KANK1: variants seen among roughly 807,000 people sequenced by gnomAD.
KANK1 encodes the protein KN motif and ankyrin repeat domain-containing protein 1.
KANK1 carries 109 observed loss-of-function variants against 106.2 expected under a neutral mutation model. The ratio of observed to expected loss-of-function variants is 1.03; its 90% CI spans 0.88 to 1.20. The LOEUF is 1.20. Among genes scored for constraint, KANK1 ranks in the 50% most tolerant of loss-of-function variants. KANK1 has a pLI of 0.00. For synonymous variants in KANK1, 873 were observed against 652.2 expected (o/e 1.34, Z -5.16); for missense variants, 2,399 against 1,710.7 (o/e 1.40, Z -7.10).
At chr9:556,604 A>G (rs1468288128) in intron 1 of KANK1, among the ~76,000 whole-genome samples, 6 of 152,188 alleles carry the variant, frequency 3.9e-5, no homozygotes, top group African/African-American at 1.4e-4. Flanking sequence ...CCAAAGTGAG[A>G]TTTTTAAAGC....
chr9:553,617 A>G (rs1409940057), intron 1 of KANK1, among the ~76,000 whole-genome samples: 4 of 152,244 alleles, frequency 2.6e-5, no homozygotes, highest in Admixed American at 6.5e-5. Flanking sequence ...AAATGTGAGC[A>G]ATGTAATGAA....
chr9:730,441 C>G (rs1377910197), intron 4 of KANK1, 193 bp downstream of exon 4: 1 of 618,756 alleles, frequency 1.6e-6, no homozygotes, highest in Non-Finnish European at 2.8e-6. Flanking sequence ...CCTGTGATCC[C>G]AGCACTTTGG....
intron 1 of KANK1, among the ~76,000 whole-genome samples, chr9:546,666 C>T (rs1001786167): frequency 4.6e-5 from 7 of 151,878 alleles, no homozygotes; most frequent in Admixed American, 6.6e-5. Context: ...CTCTCCCACC[C>T]CCACTCCCCC....
chr9:475,699 C>T lies in KANK1; in HGVS notation c.-362+2426C>T, dbSNP rs67815905. Among the ~76,000 whole-genome samples the T allele has an allele frequency of 4.7e-3, 713 of 152,218 alleles. 7 individuals are homozygous for T. Among genetic ancestry groups the T allele is most frequent in the African/African-American group, 0.016 (644 of 41,500 alleles). ...CAAAATATTTTATCCCATAACATGT[C>T]TCTTTGGCATATTTTGAAATGGCCC... On this transcript the variant is annotated intron_variant, in intron 3 of 15. Transcript: ENST00000382303.
intron 3 of KANK1, among the ~76,000 whole-genome samples, chr9:485,464 C>A (rs2058275323): frequency 6.6e-6 from 1 of 152,124 alleles, no homozygotes; most frequent in African/African-American, 2.4e-5. Context: ...TACAAGGAAA[C>A]TTTAGCAGAG....
At position 612,411 on chromosome 9, in the gene KANK1, C is replaced by G. The variant is rs77416169; in HGVS notation, c.-83-64479C>G. 5.2e-3 allele frequency among the ~76,000 whole-genome samples: 799 copies of G among 152,308 alleles called. 13 individuals are homozygous for G. Among genetic ancestry groups the G allele is most frequent in the African/African-American group, 0.018 (749 of 41,542 alleles). On this transcript the variant is annotated intron_variant, in intron 1 of 11. Transcript: ENST00000382297. ...GTTCAACAGTATGTAGGCCCGGTTT[C>G]TTAGACATGATGTCTGCTGAAATGG...
chr9:489,916 A>G lies in KANK1; in HGVS notation c.-362+16643A>G, dbSNP rs560572270. On this transcript the variant is annotated intron_variant, in intron 3 of 15. Coordinates refer to the KANK1 transcript ENST00000382303. ...TGACCTTGTATTAAACAATACCTCT[A>G]TGTCTGGGGGAACAAAACCGTACTA... Among the ~76,000 whole-genome samples the G allele has an allele frequency of 2.1e-3, 316 of 152,284 alleles. 3 individuals carry two copies. The highest frequency in any genetic ancestry group is 7.2e-3 in the African/African-American group (299 of 41,562).
intron 1 of KANK1, among the ~76,000 whole-genome samples, chr9:664,675 CT>C (rs1227460550): frequency 1.3e-5 from 2 of 152,122 alleles, no homozygotes; most frequent in African/African-American, 4.8e-5. Flanking sequence ...GGTTTTCTTT[CT>C]TTTAGAGAAA....
At chr9:513,620 C>G (rs1171708333) in intron 1 of KANK1, among the ~76,000 whole-genome samples, 2 of 152,134 alleles carry the variant, frequency 1.3e-5, no homozygotes, top group Non-Finnish European at 2.9e-5. Flanking sequence ...TAAAATTTGA[C>G]TTGGTTAGTG....
intron 1 of KANK1, among the ~76,000 whole-genome samples, chr9:607,476 C>T (rs776989033): frequency 8.4e-5 from 11 of 130,586 alleles, no homozygotes; most frequent in Non-Finnish European, 1.7e-4. Flanking sequence ...TACAGCAAGA[C>T]TCCATCTCAA....
chr9:633,634 G>C (rs893099189), intron 1 of KANK1, among the ~76,000 whole-genome samples: 1 of 152,102 alleles, frequency 6.6e-6, no homozygotes, highest in Non-Finnish European at 1.5e-5. Context: ...CATCTTTCCA[G>C]GCTTACTGTT....
chr9:537,912 G>A (rs1403392097), intron 1 of KANK1, among the ~76,000 whole-genome samples: 1 of 152,136 alleles, frequency 6.6e-6, no homozygotes, highest in Non-Finnish European at 1.5e-5. Context: ...CACTATTCCT[G>A]GATTTAATTT....
intron 1 of KANK1, among the ~76,000 whole-genome samples, chr9:531,023 A>G (rs2060032124): frequency 6.6e-6 from 1 of 152,174 alleles, no homozygotes; most frequent in Admixed American, 6.5e-5. Context: ...TATTTTATGT[A>G]ACTCAAAGAA....
rs1491253952 is a variant in KANK1, at chr9:670,978, T to TTA, written c.-83-5912_-83-5911insTA. Among the ~76,000 whole-genome samples, 211 of 102,992 alleles carry TTA rather than the reference T, an allele frequency of 2.0e-3. 1 individual carries two copies. The highest frequency in any genetic ancestry group is 6.6e-3 in the African/African-American group (204 of 30,940). The allele number at this position is 102,992 out of a possible 152,430, so 67.6% of individuals were successfully genotyped here. A position where few individuals can be genotyped will look rare whatever the true frequency, so the allele number is the denominator to read the frequency against. On this transcript the variant is annotated intron_variant, in intron 1 of 11. Coordinates refer to ENST00000382297, the MANE Select transcript of KANK1 (RefSeq NM_015158.5). ...TTTTTTTTTTTTTTTTTTTTTTTTT[T>TTA]ACTTCTCAGTGGCCCCAGGAACTGA... is the stretch of plus-strand genomic sequence containing the variant.
intron 1 of KANK1, among the ~76,000 whole-genome samples, chr9:665,892 C>G (rs1207159442): frequency 6.6e-6 from 1 of 152,070 alleles, no homozygotes; most frequent in African/African-American, 2.4e-5. Flanking sequence ...TAAATTGATT[C>G]TCAGGGGCCA....
At position 514,670 on chromosome 9, in the gene KANK1, G is replaced by A. The variant is rs117335858; in HGVS notation, c.-84+9916G>A. Among the ~76,000 whole-genome samples the A allele has an allele frequency of 6.5e-4, 98 of 151,760 alleles. 1 individual carries two copies. The East Asian group carries it at 0.017, about 26-fold the overall frequency. On this transcript the variant is annotated intron_variant, in intron 1 of 11. Transcript: ENST00000382297. ...ATTGCTGTATAGTGTTCCATCATGT[G>A]AATATACTGCTGTTCATCCTGTTGT...
intron 1 of KANK1, chr9:558,949 G>C (rs1296600852): frequency 6.6e-6 from 1 of 152,036 alleles, no homozygotes; most frequent in African/African-American, 2.4e-5. Flanking sequence ...AAAAAATTTT[G>C]GTTCTCTCCA....
chr9:638,502 A>G (rs1837649025), intron 1 of KANK1, among the ~76,000 whole-genome samples: 1 of 152,208 alleles, frequency 6.6e-6, no homozygotes. Flanking sequence ...AGAGTTTCAG[A>G]TAAATCTCTT....
At chr9:578,361 G>A (rs1821153382) in intron 1 of KANK1, among the ~76,000 whole-genome samples, 1 of 151,256 alleles carries the variant, frequency 6.6e-6, no homozygotes, top group Admixed American at 6.6e-5. Flanking sequence ...GTTTGCCTTT[G>A]CTAAGCCATG....
Sources: gnomAD v4.1 joint callset for allele counts (sites outside exome capture counted in the v4.1 genomes callset) on GRCh38, gnomAD v4.1.1 for gene constraint, MANE v1.5 for transcripts, NCBI Gene and HGNC (gene_info 2026-07-23, HGNC 2026-07-21) for gene names.